FRMD4B: variants seen among roughly 807,000 people sequenced by gnomAD.
FRMD4B encodes FERM domain-containing protein 4B.
Under a neutral mutation model 141.5 loss-of-function variants are expected in FRMD4B, and 74 were observed. The observed-to-expected ratio is 0.52, with a 90% CI of 0.43 to 0.63. FRMD4B has a LOEUF of 0.63. Among genes scored for constraint, FRMD4B ranks in the 30% least tolerant of loss-of-function variants. The pLI, the probability that FRMD4B is intolerant of heterozygous loss-of-function variation, is 0.00. For synonymous variants in FRMD4B, 506 were observed against 467.9 expected (o/e 1.08, Z -1.05); for missense variants, 1,366 against 1,253.4 (o/e 1.09, Z -1.36).
At chr3:69,313,422 CT>C in intron 2 of FRMD4B, 29 bp downstream of exon 2, 17 of 1,507,004 alleles carry the variant, frequency 1.1e-5, no homozygotes, top group Non-Finnish European at 1.5e-5. Context: ...CAAGACTTAT[CT>C]GGGCAACACA....
At chr3:69,326,830 T>C (rs547250928) in intron 1 of FRMD4B, among the ~76,000 whole-genome samples, 3 of 152,338 alleles carry the variant, frequency 2.0e-5, no homozygotes, top group South Asian at 2.1e-4. Context: ...AAGAAGAGAC[T>C]GTCAAATGTT....
chr3:69,225,651 C>T lies in FRMD4B; in HGVS notation c.582-961G>A, dbSNP rs373367636. Among the ~76,000 whole-genome samples, 14 of 119,116 alleles carry T rather than the reference C, an allele frequency of 1.2e-4. No homozygotes were observed. The East Asian group carries it at 1.3e-3, about 11-fold the overall frequency. 78.1% of individuals were successfully genotyped at this position (119,116 alleles called of 152,430 possible). On this transcript the variant is annotated intron_variant, in intron 7 of 22. Transcript: ENST00000398540. The stretch of plus-strand genomic sequence containing the variant: ...CGCAGCTTGCAGTGAGCCGAGATCA[C>T]GCCACTGCACTCCAGCCTTGGCGAC...
intron 1 of FRMD4B, among the ~76,000 whole-genome samples, chr3:69,484,141 G>T (rs17685200): frequency 2.0e-5 from 3 of 152,112 alleles, no homozygotes; most frequent in Non-Finnish European, 1.5e-5. Flanking sequence ...AGCAAGGGAT[G>T]GGAGGTTAAA....
chr3:69,434,307 A>G (rs1235344034), intron 1 of FRMD4B, among the ~76,000 whole-genome samples: 1 of 152,220 alleles, frequency 6.6e-6, no homozygotes, highest in African/African-American at 2.4e-5. Context: ...GCCATATGCT[A>G]TGCCAGGCAC....
intron 17 of FRMD4B, among the ~76,000 whole-genome samples, chr3:69,192,793 G>T (rs1264357045): frequency 2.0e-5 from 3 of 151,440 alleles, no homozygotes; most frequent in Non-Finnish European, 4.4e-5. Flanking sequence ...ATGACCATTT[G>T]CCCATATCTT....
chr3:69,541,896 G>A (rs1387457234), intron 1 of FRMD4B, among the ~76,000 whole-genome samples: 1 of 151,910 alleles, frequency 6.6e-6, no homozygotes, highest in South Asian at 2.1e-4. Context: ...CGAAGCACGC[G>A]GTCCCCGGCG....
At chr3:69,414,968 C>T (rs938549505) in intron 2 of FRMD4B, among the ~76,000 whole-genome samples, 13 of 142,808 alleles carry the variant, frequency 9.1e-5, no homozygotes, top group African/African-American at 2.6e-4. Flanking sequence ...CGGGTTCAAA[C>T]GATTCTCCTG....
intron 4 of FRMD4B, among the ~76,000 whole-genome samples, chr3:69,288,114 T>C (rs956298112): frequency 6.6e-6 from 1 of 152,212 alleles, no homozygotes; most frequent in Non-Finnish European, 1.5e-5. Flanking sequence ...AAAACAAACG[T>C]TTATCTGTGT....
At chr3:69,335,386 T>TTTTC (rs1483050739) in intron 1 of FRMD4B, among the ~76,000 whole-genome samples, 7 of 151,276 alleles carry the variant, frequency 4.6e-5, no homozygotes, top group African/African-American at 1.2e-4. Flanking sequence ...TTTTTTTTTT[T>TTTTC]TTCCGAGACA....
chr3:69,233,576 T>C (rs956769961), intron 7 of FRMD4B, among the ~76,000 whole-genome samples: 2 of 152,122 alleles, frequency 1.3e-5, no homozygotes, highest in Admixed American at 1.3e-4. Flanking sequence ...AAAATGTGTA[T>C]GTGGATGTAA....
At chr3:69,200,629 C>CTA in intron 11 of FRMD4B, 1 of 1,217,762 alleles carries the variant, frequency 8.2e-7, no homozygotes, top group Non-Finnish European at 1.0e-6. Context: ...TCTACTCCTT[C>CTA]CTCCCATCAG....
In FRMD4B at chr3:69,398,498, C is replaced by T. The variant is rs183318830; in HGVS notation, c.-1+34136G>A. Among the ~76,000 whole-genome samples, 4 of 152,324 alleles carry T rather than the reference C, an allele frequency of 2.6e-5. No individual in the cohort carries two copies. In the East Asian group the frequency reaches 5.8e-4, roughly 22 times the overall value. ...CTATAGAACACCAGAATGCATTGCT[C>T]TTATCTAGCTATAATTTTGCACATA... On this transcript the variant is annotated intron_variant, in intron 2 of 5. Coordinates refer to the FRMD4B transcript ENST00000459638.
At chr3:69,473,538 C>A (rs933146140) in intron 1 of FRMD4B, among the ~76,000 whole-genome samples, 2 of 152,152 alleles carry the variant, frequency 1.3e-5, no homozygotes, top group African/African-American at 4.8e-5. Context: ...AGCCATCTTG[C>A]ATTTGACCCT....
At chr3:69,396,517 A>G (rs1334365626) in intron 2 of FRMD4B, among the ~76,000 whole-genome samples, 1 of 152,124 alleles carries the variant, frequency 6.6e-6, no homozygotes, top group Non-Finnish European at 1.5e-5. Flanking sequence ...AAAAAAAAAA[A>G]AGAATTATAG....
intron 1 of FRMD4B, among the ~76,000 whole-genome samples, chr3:69,486,096 T>G (rs1295376601): frequency 6.6e-6 from 1 of 152,224 alleles, no homozygotes; most frequent in Non-Finnish European, 1.5e-5. Context: ...CAATTGCATG[T>G]AGTTGCCATG....
At chr3:69,246,208 CGCTTTGGGAG>C (rs2093424735) in intron 7 of FRMD4B, among the ~76,000 whole-genome samples, 1 of 152,062 alleles carries the variant, frequency 6.6e-6, no homozygotes. Flanking sequence ...GTAATCTCGG[CGCTTTGGGAG>C]GCCAACATAG....
At chr3:69,475,167 T>C (rs17005991) in intron 1 of FRMD4B, among the ~76,000 whole-genome samples, 3,728 of 152,196 alleles carry the variant, frequency 0.024, 167 homozygotes, top group African/African-American at 0.085. Flanking sequence ...CATAAGCTAA[T>C]TTCCTGACCT....
At chr3:69,343,723 G>T (rs1044132151) in intron 1 of FRMD4B, among the ~76,000 whole-genome samples, 1 of 151,842 alleles carries the variant, frequency 6.6e-6, no homozygotes, top group Non-Finnish European at 1.5e-5. Context: ...GGGATTACAG[G>T]TGTGTGCCAC....
intron 1 of FRMD4B, among the ~76,000 whole-genome samples, chr3:69,347,217 G>A (rs1702977457): frequency 6.6e-6 from 1 of 152,090 alleles, no homozygotes; most frequent in Non-Finnish European, 1.5e-5. Context: ...AACCAACAAA[G>A]ATCAAAAGAG....
Sources: allele counts gnomAD v4.1 joint callset (sites outside exome capture counted in the v4.1 genomes callset), GRCh38; gene constraint gnomAD v4.1.1; transcripts MANE v1.5; gene names NCBI Gene and HGNC (gene_info 2026-07-23, HGNC 2026-07-21).